The following ZBTB37 variants were observed in gnomAD, a reference collection of about 807,000 sequenced individuals.
ZBTB37 encodes zinc finger and BTB domain-containing protein 37.
A neutral mutation model predicts 37.7 loss-of-function variants in ZBTB37; 15 were observed. The ratio of observed to expected loss-of-function variants is 0.40; its 90% confidence interval spans 0.27 to 0.61. The LOEUF is 0.61. ZBTB37 is among the 20% of genes least tolerant of loss of function. ZBTB37 has a pLI of 0.44. For missense variants in ZBTB37, 514 were observed against 641.9 expected, an observed-to-expected ratio of 0.80 and a Z score of 2.15; for synonymous variants, 231 against 220.6, an observed-to-expected ratio of 1.05 and a Z score of -0.42.
intron 3 of ZBTB37, among the ~76,000 whole-genome samples, chr1:173,872,239 TTG>T (rs765572320): frequency 2.0e-5 from 3 of 151,958 alleles, no homozygotes; most frequent in Non-Finnish European, 2.9e-5. Context: ...CAGCTAATTT[TTG>T]TGTGTGTGTT....
chr1:173,888,373 G>A (rs185257251), downstream of ZBTB37: 1 of 152,282 alleles, frequency 6.6e-6, no homozygotes, highest in Admixed American at 6.5e-5. Context: ...AAACTTTTAA[G>A]TCCATCCTAC....
At chr1:173,886,362 G>A in exon 5 of ZBTB37, 1 of 575,952 alleles carries the variant, frequency 1.7e-6, no homozygotes, top group Non-Finnish European at 2.9e-6. Context: ...TCTAATTCAG[G>A]GATCAACAGC....
At chr1:173,869,161 A>G (rs1270422047) in intron 2 of ZBTB37, 41 bp downstream of exon 2, 1 of 152,532 alleles carries the variant, frequency 6.6e-6, no homozygotes, top group Non-Finnish European at 1.5e-5. Context: ...CAGTGTATAC[A>G]CTTCCCTATT....
exon 4 of ZBTB37, chr1:173,900,828 T>C (rs747418411): frequency 2.0e-5 from 3 of 152,238 alleles, no homozygotes; most frequent in Non-Finnish European, 4.4e-5. Context: ...CTGTTACTGG[T>C]GGAGTAGAAA....
intron 4 of ZBTB37, among the ~76,000 whole-genome samples, chr1:173,878,812 A>G (rs1013680316): frequency 6.6e-6 from 1 of 152,172 alleles, no homozygotes; most frequent in African/African-American, 2.4e-5. Context: ...GGCTGGGCGC[A>G]GTGGCTCATG....
At chr1:173,878,129 G>A (rs757117547) in intron 4 of ZBTB37, among the ~76,000 whole-genome samples, 35 of 152,088 alleles carry the variant, frequency 2.3e-4, no homozygotes, top group Admixed American at 7.2e-4. Context: ...TTCTTTTCAG[G>A]TGTCTGGGTT....
exon 5 of ZBTB37, chr1:173,885,742 A>C: frequency 6.4e-7 from 1 of 1,551,576 alleles, no homozygotes; most frequent in Non-Finnish European, 8.7e-7. Flanking sequence ...ACCTGCATCT[A>C]TTGCGCCAAA....
At chr1:173,887,463 T>G (rs1656673753), downstream of ZBTB37, 1 of 152,178 alleles carries the variant, frequency 6.6e-6, no homozygotes, top group Non-Finnish European at 1.5e-5. Flanking sequence ...TTGGTCAGGT[T>G]TGGTTACTTA....
At chr1:173,900,745 T>A (rs1045623923) in exon 4 of ZBTB37, 4 of 152,244 alleles carry the variant, frequency 2.6e-5, no homozygotes, top group African/African-American at 9.6e-5. Flanking sequence ...GGCCTGGCTG[T>A]TTGCTTAGCA....
downstream of ZBTB37, chr1:173,886,657 T>C (rs1572071754): frequency 6.5e-6 from 1 of 154,006 alleles, no homozygotes. Flanking sequence ...ATACTGGTGG[T>C]TCTTATTTTG....
intron 4 of ZBTB37, among the ~76,000 whole-genome samples, chr1:173,884,432 A>G (rs1301362136): frequency 6.7e-6 from 1 of 149,738 alleles, no homozygotes; most frequent in African/African-American, 2.6e-5. Flanking sequence ...TGCTGGGATT[A>G]TAGGCATAAG....
chr1:173,881,554 A>T (rs556954362), intron 4 of ZBTB37, among the ~76,000 whole-genome samples: 138 of 152,304 alleles, frequency 9.1e-4, no homozygotes, highest in South Asian at 1.9e-3. Flanking sequence ...TGGTTGAACT[A>T]GTTTACAGTC....
chr1:173,874,219 C>T (rs1655764945), intron 4 of ZBTB37, among the ~76,000 whole-genome samples: 1 of 142,964 alleles, frequency 7.0e-6, no homozygotes, highest in Non-Finnish European at 1.5e-5. Flanking sequence ...CACACCATTG[C>T]ACTCCAGCCT....
exon 3 of ZBTB37, chr1:173,871,140 A>T: frequency 6.3e-7 from 1 of 1,598,518 alleles, no homozygotes; most frequent in Non-Finnish European, 8.5e-7. Flanking sequence ...CAAGCAGTGA[A>T]GTTGACAGGT....
chr1:173,893,671 C>CT (rs1424631762), exon 4 of ZBTB37: 1 of 152,214 alleles, frequency 6.6e-6, no homozygotes, highest in Non-Finnish European at 1.5e-5. Flanking sequence ...TTAAAAATAA[C>CT]TAACTTTTTT....
exon 4 of ZBTB37, chr1:173,902,418 C>G (rs1657298107): frequency 6.6e-6 from 1 of 152,194 alleles, no homozygotes; most frequent in Admixed American, 6.5e-5. Flanking sequence ...ACCTACCAGT[C>G]TGTTTTTTCC....
chr1:173,902,751 TC>T (rs1477841504), exon 4 of ZBTB37: 1 of 152,204 alleles, frequency 6.6e-6, no homozygotes, highest in East Asian at 1.9e-4. Flanking sequence ...GAGTGGCTGT[TC>T]CTGGCCCTGA....
At chr1:173,900,787 C>T (rs556586982) in exon 4 of ZBTB37, 1 of 152,186 alleles carries the variant, frequency 6.6e-6, no homozygotes, top group Non-Finnish European at 1.5e-5. Flanking sequence ...GAAAATGCCT[C>T]CTATGCCTTA....
At chr1:173,881,564 C>G (rs1012187852) in intron 4 of ZBTB37, among the ~76,000 whole-genome samples, 1 of 152,182 alleles carries the variant, frequency 6.6e-6, no homozygotes, top group African/African-American at 2.4e-5. Context: ...AGTTTACAGT[C>G]CCACCAACAG....
Sources: allele counts gnomAD v4.1 joint callset (sites outside exome capture counted in the v4.1 genomes callset), GRCh38; gene constraint gnomAD v4.1.1; transcripts MANE v1.5; gene names NCBI Gene and HGNC (gene_info 2026-07-23, HGNC 2026-07-21).